EDEM3: variants seen among roughly 807,000 people sequenced by gnomAD.
EDEM3 encodes the protein ER degradation-enhancing alpha-mannosidase-like protein 3.
EDEM3 carries 60 observed loss-of-function variants against 110.2 expected under a neutral mutation model. The ratio of observed to expected loss-of-function variants is 0.54; its 90% confidence interval spans 0.44 to 0.67. The LOEUF (loss-of-function observed/expected upper bound fraction) is 0.67, where lower values mean the gene tolerates loss of function less well. Ranked by LOEUF, EDEM3 falls within the 30% of genes least tolerant of loss-of-function variation. The pLI, the probability that EDEM3 is intolerant of heterozygous loss-of-function variation, is 0.00. For synonymous variants in EDEM3, 352 were observed against 382.9 expected (o/e 0.92, Z 0.94); for missense variants, 996 against 1,121.0 (o/e 0.89, Z 1.59).
intron 2 of EDEM3, among the ~76,000 whole-genome samples, chr1:184,739,178 T>A (rs2102122000): frequency 6.6e-6 from 1 of 151,290 alleles, no homozygotes; most frequent in East Asian, 1.9e-4. Flanking sequence ...ATTCTACAGA[T>A]CTATTTGCCT....
intron 1 of EDEM3, 39 bp from the exon 2 acceptor site, chr1:184,749,631 A>G (rs759511691): frequency 8.8e-6 from 9 of 1,027,914 alleles, no homozygotes; most frequent in Admixed American, 2.7e-5. Context: ...AAAAAAAAAA[A>G]AAGGTAAGTA....
chr1:184,731,974 A>G (rs1468056466), intron 6 of EDEM3, among the ~76,000 whole-genome samples: 1 of 152,158 alleles, frequency 6.6e-6, no homozygotes, highest in Non-Finnish European at 1.5e-5. Flanking sequence ...CAGGAGATCA[A>G]GACCATCCTG....
rs191883186 is a variant in EDEM3 at position 184,750,050 on chromosome 1, T to C, written c.159-458A>G. 4.6e-5 allele frequency among the ~76,000 whole-genome samples: 7 copies of C among 152,346 alleles called. No homozygotes were observed. In the East Asian group the frequency reaches 1.3e-3, roughly 29 times the overall value. ...ACTAAGAGAGAGGTACACAGGTGTG[T>C]AGTGACATGAAATAACAACGCTTTA... On this transcript the variant is annotated intron_variant, in intron 1 of 19. Transcript: ENST00000318130.
intron 2 of EDEM3, among the ~76,000 whole-genome samples, chr1:184,747,982 A>C (rs1571426061): frequency 6.6e-6 from 1 of 152,310 alleles, no homozygotes; most frequent in East Asian, 1.9e-4. Flanking sequence ...TGCATTCATC[A>C]GTACGCATTT....
intron 6 of EDEM3, among the ~76,000 whole-genome samples, chr1:184,728,642 A>G (rs571338314): frequency 6.6e-6 from 1 of 150,442 alleles, no homozygotes; most frequent in African/African-American, 2.4e-5. Context: ...ATGGAGTCTC[A>G]CTCTGTCACT....
At chr1:184,754,396 G>A (rs1652970877) in intron 1 of EDEM3, 93 bp downstream of exon 1, 1 of 1,571,676 alleles carries the variant, frequency 6.4e-7, no homozygotes, top group Non-Finnish European at 8.6e-7. Context: ...ATCGCGACAG[G>A]AGAGGCCACT....
intron 2 of EDEM3, among the ~76,000 whole-genome samples, chr1:184,741,667 C>T (rs1652147981): frequency 6.6e-6 from 1 of 152,138 alleles, no homozygotes; most frequent in African/African-American, 2.4e-5. Context: ...TTTTCTAAGG[C>T]TTCTCCAATT....
intron 7 of EDEM3, among the ~76,000 whole-genome samples, chr1:184,725,403 C>CT (rs1367306960): frequency 1.3e-5 from 2 of 152,026 alleles, no homozygotes; most frequent in African/African-American, 4.8e-5. Context: ...AGTGTCCACA[C>CT]TTTTTAATGA....
At chr1:184,696,539 G>A (rs532025994) in intron 19 of EDEM3, among the ~76,000 whole-genome samples, 9 of 151,920 alleles carry the variant, frequency 5.9e-5, no homozygotes, top group African/African-American at 1.4e-4. Context: ...CTGATTAGAT[G>A]GGATTACTTG....
chr1:184,724,660 G>A (rs887351327), intron 7 of EDEM3, among the ~76,000 whole-genome samples: 1 of 152,138 alleles, frequency 6.6e-6, no homozygotes, highest in Non-Finnish European at 1.5e-5. Context: ...AGATTACAGA[G>A]TGTAAAATAG....
chr1:184,736,944 A>T, intron 4 of EDEM3, 81 bp downstream of exon 4: 1 of 1,165,986 alleles, frequency 8.6e-7, no homozygotes, highest in Middle Eastern at 2.0e-4. Context: ...TCTATTTCAT[A>T]CTTACTGTGT....
At chr1:184,720,000 A>T (rs1204674677) in intron 9 of EDEM3, among the ~76,000 whole-genome samples, 1 of 152,188 alleles carries the variant, frequency 6.6e-6, no homozygotes, top group East Asian at 1.9e-4. Flanking sequence ...GGTGCTCACT[A>T]CTATCTAAAC....
intron 2 of EDEM3, among the ~76,000 whole-genome samples, chr1:184,740,268 A>G (rs1466020751): frequency 6.6e-6 from 1 of 152,204 alleles, no homozygotes; most frequent in Non-Finnish European, 1.5e-5. Context: ...TAACATACTC[A>G]TAATTCTCCC....
chr1:184,706,574 A>T, intron 18 of EDEM3, 69 bp downstream of exon 18: 1 of 1,402,878 alleles, frequency 7.1e-7, no homozygotes, highest in Non-Finnish European at 9.4e-7. Flanking sequence ...AATTTTAGAA[A>T]ATAAAAGGGA....
In EDEM3 at chr1:184,692,270, C is replaced by T. The variant is rs1041882261; in HGVS notation, c.*1793G>A. ...TATATTATAGTTCTATCTTGTTACA[C>T]CAAATCTCACATGCAGAGAGACTAA... is the stretch of plus-strand genomic sequence containing the variant. On this transcript the variant is annotated 3_prime_UTR_variant, in exon 20 of 20. Coordinates refer to ENST00000318130, the MANE Select transcript of EDEM3 (RefSeq NM_025191.4). The T allele has an allele frequency of 2.6e-5, 4 of 152,020 alleles. No homozygotes were observed. The highest frequency in any genetic ancestry group is 4.4e-5 in the Non-Finnish European group (3 of 67,978). The allele number at this position is 152,020 out of a possible 1,614,324, so 9.4% of individuals were successfully genotyped here.
At chr1:184,742,444 T>A (rs529727827) in intron 2 of EDEM3, among the ~76,000 whole-genome samples, 2 of 152,230 alleles carry the variant, frequency 1.3e-5, no homozygotes, top group African/African-American at 2.4e-5. Context: ...CAGGCTGGAG[T>A]GTGGTGGTGC....
At chr1:184,732,617 C>T (rs1299269644) in intron 6 of EDEM3, among the ~76,000 whole-genome samples, 2 of 152,116 alleles carry the variant, frequency 1.3e-5, no homozygotes, top group Admixed American at 1.3e-4. Flanking sequence ...CCACAGAAAT[C>T]AGAAATAAAA....
chr1:184,707,032 TA>T (rs1649968927), intron 17 of EDEM3, among the ~76,000 whole-genome samples: 1 of 152,210 alleles, frequency 6.6e-6, no homozygotes, highest in Non-Finnish European at 1.5e-5. Flanking sequence ...CATTTTTATA[TA>T]AACTACAAAA....
intron 19 of EDEM3, among the ~76,000 whole-genome samples, chr1:184,698,149 A>AACATGTAC (rs1268366557): frequency 1.3e-5 from 2 of 151,836 alleles, no homozygotes; most frequent in Non-Finnish European, 2.9e-5. Context: ...AATAGGAAGA[A>AACATGTAC]ACATGTACTC....
Sources: allele counts gnomAD v4.1 joint callset (sites outside exome capture counted in the v4.1 genomes callset), GRCh38; gene constraint gnomAD v4.1.1; transcripts MANE v1.5; gene names NCBI Gene and HGNC (gene_info 2026-07-23, HGNC 2026-07-21).